PCDHGA5: variants seen among roughly 807,000 people sequenced by gnomAD.
PCDHGA5 encodes protocadherin gamma subfamily A, 5, also known as protocadherin gamma-A5.
PCDHGA5 carries 36 observed loss-of-function variants against 56.7 expected under a neutral mutation model. That is an observed-to-expected ratio of 0.64 (90% CI 0.49 to 0.84). The LOEUF is 0.84. Ranked by LOEUF, PCDHGA5 falls within the 40% of genes least tolerant of loss-of-function variation. The pLI is 0.00. For synonymous variants in PCDHGA5, 563 were observed against 520.2 expected (o/e 1.08, Z -1.12); for missense variants, 1,305 against 1,201.5 (o/e 1.09, Z -1.27).
intron 1 of PCDHGA5, chr5:141,377,896 G>A (rs1774450136): frequency 6.6e-6 from 1 of 152,142 alleles, no homozygotes; most frequent in African/African-American, 2.4e-5. Context: ...ATCCCCCTCT[G>A]TTGCCCAGTC....
intron 1 of PCDHGA5, chr5:141,420,181 T>C (rs1590216182): frequency 6.2e-7 from 1 of 1,613,998 alleles, no homozygotes; most frequent in Non-Finnish European, 8.5e-7. Context: ...TTGATCATTG[T>C]CCAGCCACAC....
At chr5:141,395,138 C>G (rs147992300) in intron 1 of PCDHGA5, 3 of 1,614,204 alleles carry the variant, frequency 1.9e-6, no homozygotes, top group Non-Finnish European at 2.5e-6. Context: ...AGCCCAACTA[C>G]GCAGACATGC....
At position 141,400,548 on chromosome 5, in the gene PCDHGA5, T is replaced by G. The variant is rs551157559; in HGVS notation, c.2421+33797T>G. On this transcript the variant is annotated intron_variant, in intron 1 of 3. Transcript: ENST00000518069. ...TGGTGAGTTTCATTTATGTCTATTC[T>G]TTTTCATTACCCACCCAATTTTCTG... is the stretch of plus-strand genomic sequence containing the variant. 3.3e-4 allele frequency: 529 copies of G among 1,613,654 alleles called. 1 individual carries two copies. In the South Asian group the frequency reaches 4.9e-3, roughly 15 times the overall value.
chr5:141,374,184 C>G (rs369352283), intron 1 of PCDHGA5: 8 of 1,613,676 alleles, frequency 5.0e-6, no homozygotes, highest in Middle Eastern at 3.3e-4. Context: ...ATCCGCTACT[C>G]TATTCCCGAG....
intron 1 of PCDHGA5, among the ~76,000 whole-genome samples, chr5:141,471,887 G>T (rs1215891997): frequency 6.6e-6 from 1 of 152,152 alleles, no homozygotes; most frequent in African/African-American, 2.4e-5. Context: ...CTGAAGCTAG[G>T]AAGATTGACT....
chr5:141,382,592 A>C (rs1264942970), intron 1 of PCDHGA5: 2 of 246,462 alleles, frequency 8.1e-6, no homozygotes, highest in Non-Finnish European at 1.5e-5. Flanking sequence ...TTGAAAGATG[A>C]AACAATTTTC....
intron 1 of PCDHGA5, chr5:141,405,172 T>G: frequency 1.2e-6 from 2 of 1,614,092 alleles, no homozygotes; most frequent in African/African-American, 2.7e-5. Flanking sequence ...CCTCACACTT[T>G]GTGGGTGTAG....
At chr5:141,394,239 G>A (rs530540432) in intron 1 of PCDHGA5, 1 of 1,613,868 alleles carries the variant, frequency 6.2e-7, no homozygotes, top group South Asian at 1.1e-5. Flanking sequence ...TTCCTTGACT[G>A]CACACGACCC....
Position 141,485,859 on chromosome 5 carries a change from G to A in PCDHGA5, c.2422-8948G>A, listed in dbSNP as rs1272239385. ...CCGAGATCTGGCACCGCAGAGCTCC[G>A]GGTATCCGTGCTGGACGTAAACGAC... On this transcript the variant is annotated intron_variant, in intron 1 of 3. Transcript: ENST00000518069. This position sits in a 1 kb window ranked among gnomAD's most constrained non-coding sequence, Gnocchi z 5.7. 3.7e-6 allele frequency: 6 copies of A among 1,614,046 alleles called. No homozygotes were observed. Among genetic ancestry groups the A allele is most frequent in the Admixed American group, 3.3e-5 (2 of 60,000 alleles).
intron 1 of PCDHGA5, chr5:141,383,758 A>G: frequency 6.2e-7 from 1 of 1,613,970 alleles, no homozygotes. Flanking sequence ...AATAACTCCT[A>G]AACTTCCAAA....
intron 2 of PCDHGA5, among the ~76,000 whole-genome samples, chr5:141,497,984 C>G (rs2099780951): frequency 6.6e-6 from 1 of 152,194 alleles, no homozygotes; most frequent in South Asian, 2.1e-4. Flanking sequence ...TGGGAGGCCC[C>G]TGCCCTCAAG....
chr5:141,428,624 C>CT, intron 1 of PCDHGA5: 1 of 193,988 alleles, frequency 5.2e-6, no homozygotes, highest in South Asian at 1.1e-4. Context: ...AAGATAAGCT[C>CT]TAACTCTGTT....
At chr5:141,414,099 A>G in intron 1 of PCDHGA5, 1 of 1,593,504 alleles carries the variant, frequency 6.3e-7, no homozygotes, top group Non-Finnish European at 8.5e-7. Flanking sequence ...TAAAAATATC[A>G]GAAAATCTAG....
chr5:141,460,795 G>GTA (rs2154567069), intron 1 of PCDHGA5, among the ~76,000 whole-genome samples: 1 of 151,608 alleles, frequency 6.6e-6, no homozygotes, highest in East Asian at 1.9e-4. Flanking sequence ...TACACACAAA[G>GTA]TATATATATG....
At chr5:141,390,138 CTA>C (rs770679519) in intron 1 of PCDHGA5, 6 of 1,613,938 alleles carry the variant, frequency 3.7e-6, no homozygotes, top group Non-Finnish European at 5.1e-6. Flanking sequence ...TTCCTACAAT[CTA>C]TGTGTTGCAC....
In PCDHGA5 at chr5:141,364,937, G is replaced by C. The variant is rs760754992; in HGVS notation, c.607G>C (p.Glu203Gln). 16 of 1,613,830 alleles carry C rather than the reference G, an allele frequency of 9.9e-6. No homozygotes were observed. The highest frequency in any genetic ancestry group is 1.6e-4 in the Middle Eastern group (1 of 6,084). ...ELVLEQPLDR[E>Q]KETVHDLLLT... ...GGTGTTGGAACAGCCCCTAGACCGC[G>C]AGAAAGAGACTGTTCACGACCTCCT... Residue 203 changes from glutamate to glutamine, a missense_variant, in exon 1 of 4, where the codon GAG (glutamate) becomes CAG (glutamine). Coordinates refer to ENST00000518069, the MANE Select transcript of PCDHGA5 (RefSeq NM_018918.3).
In PCDHGA5 at chr5:141,399,542, C is replaced by T. The variant is rs761214012; in HGVS notation, c.2421+32791C>T. The T allele has an allele frequency of 5.6e-6, 9 of 1,614,046 alleles. No homozygotes were observed. The South Asian group carries it at 8.8e-5, about 16-fold the overall frequency. On this transcript the variant is annotated intron_variant, in intron 1 of 3. Transcript: ENST00000518069. ...GGGGCCTCCATCGCGCAAGTCTGCGCCTCGGACCTGGACTTGGGGTTGAAC... is the reference window on the plus strand; with the variant it reads ...GGGGCCTCCATCGCGCAAGTCTGCGTCTCGGACCTGGACTTGGGGTTGAAC...
chr5:141,431,767 T>G lies in PCDHGA5; in HGVS notation c.2422-63040T>G, dbSNP rs1397063213. On this transcript the variant is annotated intron_variant, in intron 1 of 3. Coordinates refer to ENST00000518069, the MANE Select transcript of PCDHGA5 (RefSeq NM_018918.3). The surrounding 1 kb of genome is among the most constrained non-coding windows in gnomAD (Gnocchi z 4.8). ...CTGCGCGAGCCAAAGTCCTGATCAC[T>G]GTTCTGGACGTGAACGACAATGCCC... The G allele has an allele frequency of 6.2e-7, 1 of 1,614,224 alleles. No individual in the cohort carries two copies.
chr5:141,489,250 A>C lies in PCDHGA5; in HGVS notation c.2422-5557A>C. 1 of 1,546,554 alleles carries C rather than the reference A, an allele frequency of 6.5e-7. No individual in the cohort carries two copies. The highest frequency in any genetic ancestry group is 8.7e-7 in the Non-Finnish European group (1 of 1,146,722). On this transcript the variant is annotated intron_variant, in intron 1 of 3. Transcript: ENST00000518069. This position sits in a 1 kb window ranked among gnomAD's most constrained non-coding sequence, Gnocchi z 4.5. The stretch of plus-strand genomic sequence containing the variant: ...AAGGGACTTCTGGGTCATGGGGCCC[A>C]AGACACTCCCACAGCTCGCTGGGAA...
Sources: gnomAD v4.1 joint callset for allele counts (sites outside exome capture counted in the v4.1 genomes callset) on GRCh38, gnomAD v4.1.1 for gene constraint, Gnocchi (gnomAD v3.1) non-coding constraint, MANE v1.5 for transcripts, NCBI Gene and HGNC (gene_info 2026-07-23, HGNC 2026-07-21) for gene names.